Variants in ZCCHC7 observed in about 807,000 individuals in gnomAD.
The protein encoded by ZCCHC7 is zinc finger CCHC-type containing 7, also known as zinc finger CCHC domain-containing protein 7.
In ZCCHC7, 35 loss-of-function variants were observed where a neutral mutation model predicts 52.0. The observed-to-expected ratio is 0.67, with a 90% CI of 0.51 to 0.89. ZCCHC7 has a LOEUF of 0.89. Ranked by LOEUF, ZCCHC7 falls within the 40% of genes least tolerant of loss-of-function variation. ZCCHC7 has a pLI of 0.00. For synonymous variants in ZCCHC7, 217 were observed against 221.5 expected (o/e 0.98, Z 0.18); for missense variants, 574 against 649.1 (o/e 0.88, Z 1.26).
At chr9:37,338,181 G>A (rs1564264262) in intron 6 of ZCCHC7, among the ~76,000 whole-genome samples, 1 of 152,046 alleles carries the variant, frequency 6.6e-6, no homozygotes, top group Non-Finnish European at 1.5e-5. Context: ...TGTTTTGATA[G>A]GGGGAGTGTC....
Position 37,354,182 on chromosome 9 carries a change from C to G in ZCCHC7, c.1084-528C>G, listed in dbSNP as rs1241729906. Among the ~76,000 whole-genome samples, 1 of 152,130 alleles carries G rather than the reference C, an allele frequency of 6.6e-6. No individual in the cohort carries two copies. The highest frequency in any genetic ancestry group is 6.5e-5 in the Admixed American group (1 of 15,276). On this transcript the variant is annotated intron_variant, in intron 7 of 8. Coordinates refer to ENST00000336755, the MANE Select transcript of ZCCHC7 (RefSeq NM_032226.3). This position sits in a 1 kb window ranked among gnomAD's most constrained non-coding sequence, Gnocchi z 4.0. Reference sequence around the variant, plus strand: ...CATAACCTACCACCAACCTACCCCCCACCGTTAAGAATCACTACCCCTATA... The same window carrying G: ...CATAACCTACCACCAACCTACCCCCGACCGTTAAGAATCACTACCCCTATA...
intron 2 of ZCCHC7, among the ~76,000 whole-genome samples, chr9:37,197,444 ATGT>A (rs1467834968): frequency 2.6e-5 from 4 of 152,244 alleles, no homozygotes; most frequent in African/African-American, 7.2e-5. Context: ...TTTATTGAAA[ATGT>A]TGTTATTTAA....
At chr9:37,155,215 G>A (rs940278929) in intron 2 of ZCCHC7, among the ~76,000 whole-genome samples, 11 of 152,074 alleles carry the variant, frequency 7.2e-5, no homozygotes, top group African/African-American at 2.7e-4. Context: ...AAAAAAATTA[G>A]CCGGGCGTGG....
chr9:37,208,136 A>G (rs1241478687), intron 2 of ZCCHC7, among the ~76,000 whole-genome samples: 1 of 152,148 alleles, frequency 6.6e-6, no homozygotes, highest in African/African-American at 2.4e-5. Flanking sequence ...TCTGTCACCC[A>G]GGCTGGAGTG....
intron 2 of ZCCHC7, among the ~76,000 whole-genome samples, chr9:37,137,363 G>A (rs926929824): frequency 6.6e-6 from 1 of 152,170 alleles, no homozygotes; most frequent in Non-Finnish European, 1.5e-5. Flanking sequence ...TGAAGTTCAG[G>A]TTAAATGCAG....
chr9:37,262,113 T>C (rs931338595), intron 2 of ZCCHC7, among the ~76,000 whole-genome samples: 1 of 152,158 alleles, frequency 6.6e-6, no homozygotes, highest in Admixed American at 6.6e-5. Flanking sequence ...ATCTGTATGT[T>C]TTTGCTAGCA....
At chr9:37,147,069 T>A (rs1222777449) in intron 2 of ZCCHC7, among the ~76,000 whole-genome samples, 1 of 151,894 alleles carries the variant, frequency 6.6e-6, no homozygotes, top group Non-Finnish European at 1.5e-5. Flanking sequence ...CAAAGATAAT[T>A]CATTAGGACT....
intron 2 of ZCCHC7, among the ~76,000 whole-genome samples, chr9:37,133,836 A>G (rs1588353901): frequency 1.3e-5 from 2 of 152,228 alleles, no homozygotes; most frequent in African/African-American, 4.8e-5. Flanking sequence ...TGATCTGCCC[A>G]CCTTGGCCTC....
rs756240187 is a variant in ZCCHC7, at chr9:37,304,256, T to C, written c.723T>C (p.Ile241=). 6.2e-6 allele frequency: 10 copies of C among 1,613,894 alleles called. No individual in the cohort carries two copies. Among genetic ancestry groups the C allele is most frequent in the Non-Finnish European group, 8.5e-6 (10 of 1,179,944 alleles). ...TQRYYSANKN[I]ICRNCDKRGH... ...GGTACTATTCAGCCAACAAAAACAT[T>C]ATCTGTAGAAATTGTGACAAACGTG... The change falls in exon 4 of 9, where the codon ATT becomes ATC. Residue 241 remains isoleucine (I), a synonymous_variant. Transcript: ENST00000336755.
chr9:37,293,156 T>C (rs1828618293), intron 2 of ZCCHC7, among the ~76,000 whole-genome samples: 1 of 152,200 alleles, frequency 6.6e-6, no homozygotes, highest in African/African-American at 2.4e-5. Context: ...TATAAACATT[T>C]GTGATATATC....
At chr9:37,212,431 C>T (rs1224378986) in intron 2 of ZCCHC7, among the ~76,000 whole-genome samples, 1 of 152,080 alleles carries the variant, frequency 6.6e-6, no homozygotes, top group Non-Finnish European at 1.5e-5. Context: ...AAGACTTTTT[C>T]TACTTTAGAA....
intron 2 of ZCCHC7, among the ~76,000 whole-genome samples, chr9:37,278,707 A>C (rs1827807602): frequency 6.6e-6 from 1 of 152,212 alleles, no homozygotes; most frequent in Admixed American, 6.5e-5. Context: ...TAGTAACAGA[A>C]AGGAATAATA....
At chr9:37,260,497 G>T (rs182070817) in intron 2 of ZCCHC7, among the ~76,000 whole-genome samples, 1 of 152,292 alleles carries the variant, frequency 6.6e-6, no homozygotes, top group Admixed American at 6.5e-5. Flanking sequence ...GGCGACAAAG[G>T]ACCGTTCAAC....
At chr9:37,189,494 C>A (rs1483080871) in intron 2 of ZCCHC7, among the ~76,000 whole-genome samples, 3 of 152,164 alleles carry the variant, frequency 2.0e-5, no homozygotes, top group Non-Finnish European at 2.9e-5. Context: ...TCAAGCGATT[C>A]TCCTGCGTCA....
intron 1 of ZCCHC7, chr9:37,121,516 C>T (rs1476577852): frequency 2.0e-5 from 3 of 152,110 alleles, no homozygotes; most frequent in African/African-American, 4.8e-5. Context: ...AGAGAAATGA[C>T]TTCGTGTTTG....
chr9:37,162,425 C>T (rs1821156896), intron 2 of ZCCHC7, among the ~76,000 whole-genome samples: 1 of 152,112 alleles, frequency 6.6e-6, no homozygotes, highest in Admixed American at 6.5e-5. Flanking sequence ...GGAACCATTG[C>T]ATTCTGTCAT....
chr9:37,183,913 C>T (rs1028555085), intron 2 of ZCCHC7, among the ~76,000 whole-genome samples: 2 of 152,204 alleles, frequency 1.3e-5, no homozygotes, highest in African/African-American at 2.4e-5. Flanking sequence ...TTGATCTAGT[C>T]CCCTCTTGGC....
chr9:37,306,996 A>G (rs1829359141), intron 5 of ZCCHC7, among the ~76,000 whole-genome samples: 1 of 149,846 alleles, frequency 6.7e-6, no homozygotes, highest in African/African-American at 2.5e-5. Context: ...ACCATGGTCA[A>G]GCTGGTCTCG....
At chr9:37,313,875 T>TA (rs1315004212) in intron 5 of ZCCHC7, among the ~76,000 whole-genome samples, 1 of 152,222 alleles carries the variant, frequency 6.6e-6, no homozygotes, top group South Asian at 2.1e-4. Flanking sequence ...CTTCATAAAT[T>TA]ACCCCAGTGT....
Sources: allele counts gnomAD v4.1 joint callset (sites outside exome capture counted in the v4.1 genomes callset), GRCh38; gene constraint gnomAD v4.1.1; non-coding constraint Gnocchi (gnomAD v3.1); transcripts MANE v1.5; gene names NCBI Gene and HGNC (gene_info 2026-07-23, HGNC 2026-07-21).